The following TNKS variants were observed in gnomAD, a reference collection of about 807,000 sequenced individuals.
The protein encoded by TNKS is poly [ADP-ribose] polymerase tankyrase-1.
In TNKS, 72 loss-of-function variants were observed where a neutral mutation model predicts 135.8. The ratio of observed to expected loss-of-function variants is 0.53; its 90% CI spans 0.44 to 0.64. The LOEUF (loss-of-function observed/expected upper bound fraction) is 0.64. TNKS is among the 30% of genes least tolerant of loss of function. TNKS has a pLI of 0.00. For missense variants in TNKS, 1,769 were observed against 1,674.0 expected, an observed-to-expected ratio of 1.06 and a Z score of -0.99; for synonymous variants, 849 against 649.3, an observed-to-expected ratio of 1.31 and a Z score of -4.68.
chr8:9,722,677 T>C (rs899910692), intron 12 of TNKS, among the ~76,000 whole-genome samples: 2 of 152,184 alleles, frequency 1.3e-5, no homozygotes, highest in African/African-American at 4.8e-5. Flanking sequence ...ATTCTAATGA[T>C]TTCTAAAAGT....
rs1453148268 is a variant in TNKS at position 9,751,790 on chromosome 8, G to A, written c.3014G>A (p.Gly1005Glu). The A allele has an allele frequency of 2.5e-6, 4 of 1,614,080 alleles. No homozygotes were observed. Among genetic ancestry groups the A allele is most frequent in the Non-Finnish European group, 3.4e-6 (4 of 1,180,048 alleles). ...LTGPLAELAV[G>E]GASNAGDGAA... Reference sequence around the variant, plus strand: ...GGCCCTTTAGCAGAGTTGGCCGTAGGAGGAGCCTCCAATGCAGGGGATGGC... The same window carrying A: ...GGCCCTTTAGCAGAGTTGGCCGTAGAAGGAGCCTCCAATGCAGGGGATGGC... The change falls in exon 19 of 27, where the codon GGA (glycine) becomes GAA (glutamate). Residue 1005 changes from glycine to glutamate, a missense_variant. Physicochemically the swap from Gly to Glu is moderately conservative, Grantham distance 98. This residue lies in a region of TNKS where 722 missense variants were observed against 688.9 expected (regional missense o/e 1.05). Coordinates refer to ENST00000310430, the MANE Select transcript of TNKS (RefSeq NM_003747.3).
chr8:9,645,780 T>G (rs1042066748), intron 3 of TNKS, among the ~76,000 whole-genome samples: 2 of 152,242 alleles, frequency 1.3e-5, no homozygotes, highest in African/African-American at 4.8e-5. Flanking sequence ...TTTAGTATTT[T>G]TTGAAACTTA....
intron 3 of TNKS, among the ~76,000 whole-genome samples, chr8:9,619,060 T>G (rs540753770): frequency 6.6e-6 from 1 of 152,330 alleles, no homozygotes; most frequent in East Asian, 1.9e-4. Flanking sequence ...TTTTCAGTCT[T>G]TATTCTTCCC....
intron 6 of TNKS, among the ~76,000 whole-genome samples, chr8:9,705,156 CA>C (rs1197650308): frequency 1.3e-5 from 2 of 151,972 alleles, no homozygotes; most frequent in Non-Finnish European, 2.9e-5. Flanking sequence ...TATACAATAC[CA>C]AATTTTTTTT....
At chr8:9,747,617 A>T (rs867066545) in intron 17 of TNKS, among the ~76,000 whole-genome samples, 2 of 152,264 alleles carry the variant, frequency 1.3e-5, no homozygotes, top group African/African-American at 4.8e-5. Flanking sequence ...AAGAGAATCA[A>T]TGTGAATAGA....
chr8:9,575,128 C>A, intron 1 of TNKS: 1 of 951,828 alleles, frequency 1.1e-6, no homozygotes, highest in Non-Finnish European at 1.3e-6. Flanking sequence ...GCTCTGTTGC[C>A]CAGGCTGGAG....
At chr8:9,735,283 T>TA (rs544287735) in intron 16 of TNKS, 94 bp from the exon 17 acceptor site, 23 of 1,269,804 alleles carry the variant, frequency 1.8e-5, no homozygotes, top group Non-Finnish European at 2.6e-5. Context: ...CAAAAAGTAT[T>TA]AAAACCTTAA....
intron 12 of TNKS, among the ~76,000 whole-genome samples, chr8:9,726,217 C>T (rs1306041278): frequency 1.3e-5 from 2 of 152,130 alleles, no homozygotes; most frequent in East Asian, 3.9e-4. Context: ...ATGGTGAAAA[C>T]CCATCTCCAC....
At position 9,556,280 on chromosome 8, in the gene TNKS, C is replaced by G; in HGVS notation, c.341C>G (p.Ala114Gly). The G allele has an allele frequency of 1.2e-6, 2 of 1,614,270 alleles. No individual in the cohort carries two copies. The highest frequency in any genetic ancestry group is 1.7e-6 in the Non-Finnish European group (2 of 1,180,040). Residue 114 changes from alanine (A) to glycine (G), a missense_variant, in exon 1 of 27, where the codon GCT becomes GGT. Ala to Gly is a moderately conservative substitution (Grantham distance 60, BLOSUM62 0). Transcript: ENST00000310430. ...VVPAVSTSSA[A>G]GVAPNPAGSG... The stretch of plus-strand genomic sequence containing the variant: ...CCAGCGGTTTCTACTTCATCTGCCG[C>G]TGGGGTCGCTCCCAACCCAGCCGGC...
At position 9,691,749 on chromosome 8, in the gene TNKS, T is replaced by C. The variant is rs1386628272; in HGVS notation, c.1107+10949T>C. Among the ~76,000 whole-genome samples the C allele has an allele frequency of 2.6e-5, 4 of 152,240 alleles. No homozygotes were observed. In the East Asian group the frequency reaches 7.7e-4, roughly 29 times the overall value. On this transcript the variant is annotated intron_variant, in intron 5 of 26. Coordinates refer to ENST00000310430, the MANE Select transcript of TNKS (RefSeq NM_003747.3). ...ATAGAAAATGCCCAAATTTTAGCTGTTATTTTTAATAAAATATTGGTATTT... is the reference window on the plus strand; with the variant it reads ...ATAGAAAATGCCCAAATTTTAGCTGCTATTTTTAATAAAATATTGGTATTT...
In TNKS at chr8:9,780,259, G is replaced by C. The variant is rs1316231111; in HGVS notation, c.*3523G>C. 6.6e-6 allele frequency: 1 copy of C among 151,888 alleles called. No individual in the cohort carries two copies. Among genetic ancestry groups the C allele is most frequent in the African/African-American group, 2.4e-5 (1 of 41,302 alleles). 9.4% of individuals were successfully genotyped at this position (151,888 alleles called of 1,614,324 possible). A position where few individuals can be genotyped will look rare whatever the true frequency, so the allele number is the denominator to read the frequency against. ...GTAAATGGCCTTGCAAACAGAAGTG[G>C]TGTGTATTTTCAAGCACCTTTCCCC... On this transcript the variant is annotated 3_prime_UTR_variant, in exon 27 of 27. Transcript: ENST00000310430.
At chr8:9,578,212 G>T (rs1019093981) in intron 1 of TNKS, among the ~76,000 whole-genome samples, 1 of 152,174 alleles carries the variant, frequency 6.6e-6, no homozygotes, top group South Asian at 2.1e-4. Context: ...GCTTTATTCA[G>T]ATCCGTAGAG....
chr8:9,650,191 C>G (rs1425424976), intron 3 of TNKS, among the ~76,000 whole-genome samples: 2 of 152,004 alleles, frequency 1.3e-5, no homozygotes, highest in East Asian at 3.9e-4. Flanking sequence ...TGTGCCCAGC[C>G]TATACCACAG....
chr8:9,765,507 T>C (rs34275385), intron 23 of TNKS, among the ~76,000 whole-genome samples, 185 bp from the exon 24 acceptor site: 1,829 of 152,254 alleles, frequency 0.012, 36 homozygotes, highest in African/African-American at 0.041. Flanking sequence ...AAACTGTAAC[T>C]GAAAATTATG....
Position 9,706,182 on chromosome 8 carries a change from T to C in TNKS, c.1203-5T>C, listed in dbSNP as rs1376364521. The C allele has an allele frequency of 8.3e-6, 13 of 1,562,950 alleles. No homozygotes were observed. The highest frequency in any genetic ancestry group is 1.1e-5 in the Non-Finnish European group (13 of 1,160,522). Reference sequence around the variant, plus strand: ...AAGTATTTTAATTTGCCTCTTTTCATTTAGTGGACTTGTGCCTCTTCATAA... The same window carrying C: ...AAGTATTTTAATTTGCCTCTTTTCACTTAGTGGACTTGTGCCTCTTCATAA... On this transcript the variant is annotated splice_polypyrimidine_tract_variant and splice_region_variant and intron_variant, in intron 6 of 26. Transcript: ENST00000310430.
intron 2 of TNKS, among the ~76,000 whole-genome samples, chr8:9,589,051 A>G (rs147244941): frequency 1.1e-3 from 160 of 152,314 alleles, no homozygotes; most frequent in African/African-American, 3.4e-3. Flanking sequence ...ATTTGTCCTC[A>G]TTAGTGTTTG....
intron 3 of TNKS, among the ~76,000 whole-genome samples, chr8:9,646,079 AC>A (rs1176774581): frequency 6.6e-6 from 1 of 152,184 alleles, no homozygotes; most frequent in Non-Finnish European, 1.5e-5. Context: ...TTCCTGCTTA[AC>A]ACATAATTTC....
chr8:9,593,935 G>A (rs1423869178), intron 2 of TNKS, among the ~76,000 whole-genome samples: 1 of 151,846 alleles, frequency 6.6e-6, no homozygotes, highest in Non-Finnish European at 1.5e-5. Flanking sequence ...CACCCAGGCT[G>A]GAGTGCAATG....
intron 2 of TNKS, among the ~76,000 whole-genome samples, chr8:9,600,964 A>T (rs982397781): frequency 6.6e-6 from 1 of 152,228 alleles, no homozygotes; most frequent in Non-Finnish European, 1.5e-5. Flanking sequence ...TAGTCATTTG[A>T]TAGGAAGAAT....
Sources: allele counts gnomAD v4.1 joint callset (sites outside exome capture counted in the v4.1 genomes callset), GRCh38; gene constraint gnomAD v4.1.1; regional missense constraint gnomAD v4.1.1; transcripts MANE v1.5; gene names NCBI Gene and HGNC (gene_info 2026-07-23, HGNC 2026-07-21).